KIF5B: variants seen among roughly 807,000 people sequenced by gnomAD.
KIF5B encodes kinesin-1 heavy chain.
A neutral mutation model predicts 132.8 loss-of-function variants in KIF5B; 49 were observed. The ratio of observed to expected loss-of-function variants is 0.37; its 90% CI spans 0.29 to 0.47. The LOEUF is 0.47. KIF5B is among the 20% of genes least tolerant of loss of function. KIF5B has a pLI of 1.00. For synonymous variants in KIF5B, 355 were observed against 369.4 expected (o/e 0.96, Z 0.45); for missense variants, 780 against 1,144.0 (o/e 0.68, Z 4.59).
Position 32,009,801 on chromosome 10 carries a change from G to A in KIF5B, c.*1736C>T, listed in dbSNP as rs1299926583. 1 of 151,976 alleles carries A rather than the reference G, an allele frequency of 6.6e-6. No homozygotes were observed. Among genetic ancestry groups the A allele is most frequent in the African/African-American group, 2.4e-5 (1 of 41,384 alleles). 9.4% of individuals were successfully genotyped at this position (151,976 alleles called of 1,614,324 possible). On this transcript the variant is annotated 3_prime_UTR_variant, in exon 26 of 26. Coordinates refer to ENST00000302418, the MANE Select transcript of KIF5B (RefSeq NM_004521.3). Reference sequence around the variant, plus strand: ...CATAAAAGGTGGCAGCACTTTTTTTGCTTGTTAACTATATTACTTATAACT... The same window carrying A: ...CATAAAAGGTGGCAGCACTTTTTTTACTTGTTAACTATATTACTTATAACT...
intron 23 of KIF5B, 35 bp downstream of exon 23, chr10:32,018,017 A>C: frequency 8.2e-7 from 1 of 1,226,816 alleles, no homozygotes. Context: ...GATTTTTACT[A>C]TCTTGCAGCT....
chr10:32,037,168 G>T, intron 8 of KIF5B, 86 bp downstream of exon 8: 1 of 1,272,886 alleles, frequency 7.9e-7, no homozygotes, highest in Non-Finnish European at 1.1e-6. Context: ...TAAGTAAGAT[G>T]CAACAATGAA....
chr10:32,055,053 G>C (rs967720160), intron 1 of KIF5B, among the ~76,000 whole-genome samples: 3 of 152,012 alleles, frequency 2.0e-5, no homozygotes, highest in Admixed American at 1.3e-4. Context: ...AAAACAAAAA[G>C]TTAATACTTT....
chr10:32,044,860 G>A (rs1357895762), intron 2 of KIF5B, among the ~76,000 whole-genome samples: 1 of 152,160 alleles, frequency 6.6e-6, no homozygotes. Flanking sequence ...ATCTAGGACT[G>A]TCTGATTCTA....
At chr10:32,042,661 C>T (rs1841558551) in intron 2 of KIF5B, among the ~76,000 whole-genome samples, 1 of 152,164 alleles carries the variant, frequency 6.6e-6, no homozygotes, top group Non-Finnish European at 1.5e-5. Context: ...TTTCTAAAGC[C>T]TCCCTCACCC....
In KIF5B at chr10:32,032,702, T is replaced by C; in HGVS notation, c.1374+4A>G. ...GGAAGCAATGTAAAAGGTATTCAAC[T>C]CACCTCCTCCTGATCCAACATTTGC... On this transcript the variant is annotated splice_donor_region_variant and intron_variant, in intron 13 of 25. Transcript: ENST00000302418. 6.2e-7 allele frequency: 1 copy of C among 1,610,994 alleles called. No individual in the cohort carries two copies. Among genetic ancestry groups the C allele is most frequent in the African/African-American group, 1.3e-5 (1 of 74,990 alleles).
At chr10:32,055,484 G>A (rs899462101) in intron 1 of KIF5B, among the ~76,000 whole-genome samples, 11 of 151,734 alleles carry the variant, frequency 7.2e-5, no homozygotes, top group African/African-American at 2.7e-4. Flanking sequence ...GGCAAATTTG[G>A]GGTTAATCCA....
intron 1 of KIF5B, among the ~76,000 whole-genome samples, chr10:32,049,794 G>A (rs1841664983): frequency 6.6e-6 from 1 of 152,008 alleles, no homozygotes; most frequent in African/African-American, 2.4e-5. Context: ...AGGAGGGAGT[G>A]ATTATGTCAA....
In KIF5B at chr10:32,052,695, G is replaced by C. The variant is rs796223056; in HGVS notation, c.126+3153C>G. Among the ~76,000 whole-genome samples, 26 of 152,114 alleles carry C rather than the reference G, an allele frequency of 1.7e-4. 1 individual carries two copies. Among genetic ancestry groups the C allele is most frequent in the African/African-American group, 6.3e-4 (26 of 41,512 alleles). On this transcript the variant is annotated intron_variant, in intron 1 of 25. Coordinates refer to ENST00000302418, the MANE Select transcript of KIF5B (RefSeq NM_004521.3). Reference sequence around the variant, plus strand: ...CATAAACTGTTTCCCTGTCCTCCTTGCTTTGCGGTAACAAGTTCTCTAATT... The same window carrying C: ...CATAAACTGTTTCCCTGTCCTCCTTCCTTTGCGGTAACAAGTTCTCTAATT...
At chr10:32,042,763 CA>C (rs1360033319) in intron 2 of KIF5B, among the ~76,000 whole-genome samples, 2 of 152,100 alleles carry the variant, frequency 1.3e-5, no homozygotes, top group African/African-American at 2.4e-5. Context: ...ACAGAAAAAA[CA>C]TATTTAGGTA....
intron 2 of KIF5B, among the ~76,000 whole-genome samples, chr10:32,045,621 T>C (rs1239635556): frequency 1.3e-5 from 2 of 152,216 alleles, no homozygotes; most frequent in Non-Finnish European, 1.5e-5. Flanking sequence ...AAGACACTAA[T>C]GTTATTTACA....
In KIF5B at chr10:32,055,986, C is replaced by CGGGGCCG; in HGVS notation, c.-20_-14dup. The CGGGGCCG allele has an allele frequency of 6.3e-7, 1 of 1,599,782 alleles. No homozygotes were observed. Among genetic ancestry groups the CGGGGCCG allele is most frequent in the Non-Finnish European group, 8.5e-7 (1 of 1,179,534 alleles). ...CCAGGTCCGCCATCTTTCTCGCAGCCGGGGCCGGCGGCCGGGAGCCACTCC... is the reference window on the plus strand; with the variant it reads ...CCAGGTCCGCCATCTTTCTCGCAGCCGGGGCCGGGGGCCGGCGGCCGGGAGCCACTCC... On this transcript the variant is annotated 5_prime_UTR_variant, in exon 1 of 26. Coordinates refer to ENST00000302418, the MANE Select transcript of KIF5B (RefSeq NM_004521.3).
intron 15 of KIF5B, among the ~76,000 whole-genome samples, chr10:32,024,937 C>T (rs1189073381): frequency 4.0e-5 from 6 of 151,564 alleles, no homozygotes; most frequent in African/African-American, 1.5e-4. Flanking sequence ...ATTAACCAGG[C>T]GTGGTGGTAC....
rs924371004 is a variant in KIF5B, at chr10:32,026,533, TC to T, written c.1725+1894del. ...TTGTTAATGACAAAAATACTGAGGA[TC>T]CTTTTTTTTTTTTAATTAGAATAAC... On this transcript the variant is annotated intron_variant, in intron 15 of 25. Transcript: ENST00000302418. 3.7e-5 allele frequency among the ~76,000 whole-genome samples: 3 copies of T among 81,060 alleles called. No homozygotes were observed. The Admixed American group carries it at 3.9e-4, about 10-fold the overall frequency. The allele number at this position is 81,060 out of a possible 152,430, so 53.2% of individuals were successfully genotyped here.
intron 13 of KIF5B, 100 bp from the exon 14 acceptor site, chr10:32,031,379 T>C (rs1299402113): frequency 1.2e-6 from 1 of 841,474 alleles, no homozygotes; most frequent in East Asian, 2.6e-5. Flanking sequence ...GAGTGAAATA[T>C]GGATGGTATT....
At chr10:32,038,055 A>G (rs1235323365) in intron 6 of KIF5B, 108 bp downstream of exon 6, 1 of 593,692 alleles carries the variant, frequency 1.7e-6, no homozygotes, top group Non-Finnish European at 3.0e-6. Context: ...GGTTGCAGTG[A>G]GCCGAGATTG....
At chr10:32,041,146 AAAAAAAAAAAAAAAAAAC>A (rs1841532765) in intron 2 of KIF5B, among the ~76,000 whole-genome samples, 4 of 29,982 alleles carry the variant, frequency 1.3e-4, no homozygotes, top group Non-Finnish European at 2.1e-4. Context: ...ACTCTGTCTC[AAAAAAAAAAAAAAAAAAC>A]CAAAATTATT....
Position 32,031,290 on chromosome 10 carries a change from G to A in KIF5B, c.1375-11C>T, listed in dbSNP as rs201214213. On this transcript the variant is annotated splice_polypyrimidine_tract_variant and intron_variant, in intron 13 of 25. Coordinates refer to ENST00000302418, the MANE Select transcript of KIF5B (RefSeq NM_004521.3). ...GGTAGATGCCAAAAGCTATAGGACA[G>A]AAAATAATTTATTTTCCCCAAAAGT... The A allele has an allele frequency of 8.7e-6, 14 of 1,605,974 alleles. 2 individuals are homozygous for A. In the Admixed American group the frequency reaches 2.2e-4, roughly 25 times the overall value.
Position 32,022,180 on chromosome 10 carries a change from G to C in KIF5B, c.1992C>G (p.Val664=), listed in dbSNP as rs767989335. 2 of 1,612,470 alleles carry C rather than the reference G, an allele frequency of 1.2e-6. No homozygotes were observed. The highest frequency in any genetic ancestry group is 1.7e-6 in the Non-Finnish European group (2 of 1,178,814). Residue 664 remains valine, a synonymous_variant, in exon 17 of 26, where the codon GTC becomes GTG. Coordinates refer to ENST00000302418, the MANE Select transcript of KIF5B (RefSeq NM_004521.3). ...GGACTAGTTCTTCACTGAGGGCATC[G>C]ACAGATTCCTCCAACTGTCTTTTCT... ...EQKKRQLEES[V]DALSEELVQL...
Sources: allele counts gnomAD v4.1 joint callset (sites outside exome capture counted in the v4.1 genomes callset), GRCh38; gene constraint gnomAD v4.1.1; transcripts MANE v1.5; gene names NCBI Gene and HGNC (gene_info 2026-07-23, HGNC 2026-07-21).